The following MKLN1 variants were observed in gnomAD, a reference collection of about 807,000 sequenced individuals.
MKLN1 encodes muskelin.
Under a neutral mutation model 99.0 loss-of-function variants are expected in MKLN1, and 18 were observed. That is an observed-to-expected ratio of 0.18 (90% CI 0.13 to 0.27). The LOEUF is 0.27. MKLN1 is among the 10% of genes least tolerant of loss of function. The pLI is 1.00. For missense variants in MKLN1, 621 were observed against 875.9 expected (o/e 0.71, Z 3.67); for synonymous variants, 288 against 293.2 (o/e 0.98, Z 0.18).
At chr7:131,175,840 C>G (rs1417017750) in intron 2 of MKLN1, among the ~76,000 whole-genome samples, 1 of 152,054 alleles carries the variant, frequency 6.6e-6, no homozygotes, top group African/African-American at 2.4e-5. Flanking sequence ...GTGGAGGTTG[C>G]GGTGAGCCAA....
chr7:131,118,841 C>A (rs1175664142), intron 1 of MKLN1, among the ~76,000 whole-genome samples: 1 of 152,178 alleles, frequency 6.6e-6, no homozygotes, highest in Non-Finnish European at 1.5e-5. Context: ...ACATCTTTCC[C>A]CATGATCCAA....
intron 3 of MKLN1, among the ~76,000 whole-genome samples, chr7:131,231,358 CCT>C (rs1179544360): frequency 6.6e-6 from 1 of 152,048 alleles, no homozygotes; most frequent in Non-Finnish European, 1.5e-5. Flanking sequence ...GTTTCTTCCC[CCT>C]GTGTATCACT....
intron 1 of MKLN1, among the ~76,000 whole-genome samples, chr7:131,116,613 G>A (rs1449272350): frequency 6.6e-6 from 1 of 151,854 alleles, no homozygotes; most frequent in South Asian, 2.1e-4. Flanking sequence ...TGAAAAGATA[G>A]TAGGATATCT....
intron 1 of MKLN1, among the ~76,000 whole-genome samples, chr7:131,366,797 G>T (rs895306865): frequency 4.6e-5 from 7 of 152,188 alleles, no homozygotes; most frequent in African/African-American, 1.4e-4. Context: ...GGGCGACAGA[G>T]TGAAACTCCA....
intron 2 of MKLN1, among the ~76,000 whole-genome samples, chr7:131,154,000 T>C (rs7795830): frequency 0.056 from 8,526 of 152,050 alleles, 290 homozygotes; most frequent in African/African-American, 0.086. Context: ...TATGGATTGA[T>C]CTGTAGGATA....
chr7:131,424,762 G>A (rs542433796), intron 8 of MKLN1, among the ~76,000 whole-genome samples: 6 of 152,218 alleles, frequency 3.9e-5, no homozygotes, highest in Admixed American at 3.3e-4. Flanking sequence ...AATGAAATTT[G>A]TTTGCCGTTT....
intron 3 of MKLN1, among the ~76,000 whole-genome samples, chr7:131,321,344 C>T (rs1798771464): frequency 6.6e-6 from 1 of 152,182 alleles, no homozygotes; most frequent in Non-Finnish European, 1.5e-5. Flanking sequence ...CCAAACACCA[C>T]ATGTTCTCAC....
chr7:131,364,726 G>A (rs770719403), intron 1 of MKLN1, among the ~76,000 whole-genome samples: 18 of 151,898 alleles, frequency 1.2e-4, no homozygotes, highest in Non-Finnish European at 2.2e-4. Flanking sequence ...GAGAACATAC[G>A]GTAGTTGTGC....
intron 3 of MKLN1, among the ~76,000 whole-genome samples, chr7:131,314,447 G>A (rs974272370): frequency 2.0e-5 from 3 of 152,142 alleles, no homozygotes; most frequent in Non-Finnish European, 2.9e-5. Flanking sequence ...TTTTGAGATG[G>A]AGTCTCGCTC....
At chr7:131,131,051 C>CAAAAA (rs35397071) in intron 1 of MKLN1, among the ~76,000 whole-genome samples, 3 of 65,310 alleles carry the variant, frequency 4.6e-5, no homozygotes, top group Admixed American at 2.2e-4. Flanking sequence ...GACCCTGTCT[C>CAAAAA]AAAAAAAAAA....
chr7:131,292,985 A>T (rs4451247), intron 3 of MKLN1, among the ~76,000 whole-genome samples: 91 of 152,258 alleles, frequency 6.0e-4, no homozygotes, highest in Admixed American at 1.7e-3. Context: ...TATCACTTTG[A>T]TAGACTGATT....
At chr7:131,140,354 T>C (rs1478421936) in intron 1 of MKLN1, among the ~76,000 whole-genome samples, 1 of 152,134 alleles carries the variant, frequency 6.6e-6, no homozygotes, top group Non-Finnish European at 1.5e-5. Flanking sequence ...TCATGTCATA[T>C]AGCTTGGATA....
intron 8 of MKLN1, among the ~76,000 whole-genome samples, chr7:131,421,954 CTAAAGTGCATA>C (rs1795207634): frequency 6.6e-6 from 1 of 152,152 alleles, no homozygotes; most frequent in African/African-American, 2.4e-5. Context: ...AGACAAAATA[CTAAAGTGCATA>C]TAAGAATTTT....
chr7:131,396,893 A>G (rs1434461403), intron 4 of MKLN1, among the ~76,000 whole-genome samples: 1 of 152,200 alleles, frequency 6.6e-6, no homozygotes, highest in Non-Finnish European at 1.5e-5. Context: ...GGGTTGTGCC[A>G]CTGATAAATA....
chr7:131,183,739 G>C (rs568335238), intron 2 of MKLN1, among the ~76,000 whole-genome samples: 1 of 152,302 alleles, frequency 6.6e-6, no homozygotes, highest in South Asian at 2.1e-4. Flanking sequence ...TGTTTTCCTA[G>C]AGAAGTCTCA....
At chr7:131,385,639 A>G (rs575673488) in intron 2 of MKLN1, among the ~76,000 whole-genome samples, 1 of 152,166 alleles carries the variant, frequency 6.6e-6, no homozygotes, top group African/African-American at 2.4e-5. Context: ...GCATCTTTTC[A>G]TGTGCCTGTT....
At chr7:131,429,236 C>T (rs1048383774) in intron 9 of MKLN1, 91 bp downstream of exon 9, 1 of 789,046 alleles carries the variant, frequency 1.3e-6, no homozygotes, top group African/African-American at 1.7e-5. Context: ...TCACTAATGT[C>T]TGTCAGCAGT....
At chr7:131,476,504 A>G (rs1008839704) in intron 16 of MKLN1, among the ~76,000 whole-genome samples, 1 of 152,230 alleles carries the variant, frequency 6.6e-6, no homozygotes, top group African/African-American at 2.4e-5. Flanking sequence ...TTATACTAGC[A>G]GTGAACAATT....
intron 2 of MKLN1, among the ~76,000 whole-genome samples, chr7:131,181,707 T>C (rs1796379246): frequency 6.6e-6 from 1 of 151,072 alleles, no homozygotes; most frequent in African/African-American, 2.4e-5. Flanking sequence ...TCACCCAGGC[T>C]GGAGTCCAGT....
Sources: gnomAD v4.1 joint callset for allele counts (sites outside exome capture counted in the v4.1 genomes callset) on GRCh38, gnomAD v4.1.1 for gene constraint, MANE v1.5 for transcripts, NCBI Gene and HGNC (gene_info 2026-07-23, HGNC 2026-07-21) for gene names.